The following HK1 variants were observed in gnomAD, a reference collection of about 807,000 sequenced individuals.
The protein encoded by HK1 is hexokinase-1.
HK1 carries 28 observed loss-of-function variants against 91.6 expected under a neutral mutation model. That is an observed-to-expected ratio of 0.31 (90% CI 0.23 to 0.42). The LOEUF (loss-of-function observed/expected upper bound fraction) is 0.42. Among genes scored for constraint, HK1 ranks in the 10% least tolerant of loss-of-function variants. HK1 has a pLI of 1.00. For missense variants in HK1, 770 were observed against 1,219.8 expected, an observed-to-expected ratio of 0.63 and a Z score of 5.49; for synonymous variants, 430 against 468.1, an observed-to-expected ratio of 0.92 and a Z score of 1.05.
chr10:69,281,406 G>T (rs1844740577), intron 1 of HK1, among the ~76,000 whole-genome samples: 1 of 152,174 alleles, frequency 6.6e-6, no homozygotes, highest in Admixed American at 6.5e-5. Context: ...AAGTACCAGG[G>T]TGTGCTGTCC....
At chr10:69,295,011 C>CAGAGAGAGAGAG (rs3086615) in intron 3 of HK1, among the ~76,000 whole-genome samples, 2 of 125,124 alleles carry the variant, frequency 1.6e-5, no homozygotes, top group Non-Finnish European at 3.3e-5. Flanking sequence ...GCCTGGGCAA[C>CAGAGAGAGAGAG]AGAGAGAGAG....
At chr10:69,387,874 A>AT (rs5785913) in intron 13 of HK1, among the ~76,000 whole-genome samples, 68,368 of 145,598 alleles carry the variant, frequency 0.47, 16,157 homozygotes, top group East Asian at 0.62. Context: ...ACTGTTTTAA[A>AT]TTTTTTTTTT....
At chr10:69,289,731 C>T (rs566084871) in intron 3 of HK1, among the ~76,000 whole-genome samples, 14 of 151,664 alleles carry the variant, frequency 9.2e-5, no homozygotes, top group African/African-American at 3.4e-4. Flanking sequence ...CTCAGCCTCC[C>T]GAAGTGCTGG....
chr10:69,283,474 T>TAA (rs1564751272), intron 2 of HK1, among the ~76,000 whole-genome samples: 2 of 143,378 alleles, frequency 1.4e-5, no homozygotes, highest in African/African-American at 5.2e-5. Context: ...AATAATAATA[T>TAA]AAATAAAAAT....
At chr10:69,314,470 C>G (rs1194094258), upstream of HK1, among the ~76,000 whole-genome samples, 2 of 152,164 alleles carry the variant, frequency 1.3e-5, no homozygotes, top group Non-Finnish European at 2.9e-5. Flanking sequence ...ACAGGCTGTG[C>G]ATGACAGTCC....
intron 5 of HK1, chr10:69,300,972 C>G (rs1235004933): frequency 1.6e-6 from 1 of 635,104 alleles, no homozygotes; most frequent in Admixed American, 2.2e-5. Flanking sequence ...TAGCCAGGCA[C>G]GGTGGCTCAC....
At chr10:69,338,624 G>A in intron 1 of HK1, 1 of 1,288,718 alleles carries the variant, frequency 7.8e-7, no homozygotes, top group Non-Finnish European at 1.0e-6. Context: ...GAGCAGTAAA[G>A]CAGCGGTGAT....
At chr10:69,338,086 C>T (rs374366936) in intron 1 of HK1, 35 of 221,498 alleles carry the variant, frequency 1.6e-4, no homozygotes, top group East Asian at 6.6e-4. Flanking sequence ...GTGTTCTCTG[C>T]TGATGACATG....
At chr10:69,389,134 C>CA in intron 13 of HK1, 63 bp from the exon 14 acceptor site, 1 of 1,266,348 alleles carries the variant, frequency 7.9e-7, no homozygotes, top group Non-Finnish European at 1.1e-6. Context: ...CAGACAGAAC[C>CA]GGCAGCATTC....
At chr10:69,381,644 C>G (rs1300715041) in intron 9 of HK1, among the ~76,000 whole-genome samples, 1 of 151,366 alleles carries the variant, frequency 6.6e-6, no homozygotes, top group African/African-American at 2.4e-5. Flanking sequence ...ACCTCTGCCT[C>G]CCAGGTTCCA....
At chr10:69,301,685 C>T (rs772712372) in intron 5 of HK1, among the ~76,000 whole-genome samples, 1 of 150,528 alleles carries the variant, frequency 6.6e-6, no homozygotes, top group Non-Finnish European at 1.5e-5. Flanking sequence ...ACTCTGAAAA[C>T]TACAAAGGAT....
In HK1 at chr10:69,336,542, G is replaced by C. The variant is rs1847998706; in HGVS notation, c.64-7285G>C. Among the ~76,000 whole-genome samples, 4 of 149,128 alleles carry C rather than the reference G, an allele frequency of 2.7e-5. No homozygotes were observed. The South Asian group carries it at 8.6e-4, about 32-fold the overall frequency. On this transcript the variant is annotated intron_variant, in intron 1 of 17. Coordinates refer to ENST00000359426, the MANE Select transcript of HK1 (RefSeq NM_000188.3). ...TGAAACAGTGTAAATGTTTCAAGTA[G>C]TTTTGTTAGAATCTTTCATTTGCCA...
At chr10:69,386,022 G>A (rs1337126716) in intron 12 of HK1, among the ~76,000 whole-genome samples, 1 of 152,218 alleles carries the variant, frequency 6.6e-6, no homozygotes, top group Non-Finnish European at 1.5e-5. Context: ...TTGGAATCGG[G>A]TGATCTGGGC....
chr10:69,274,118 G>A (rs1000485404), intron 1 of HK1, among the ~76,000 whole-genome samples: 20 of 152,008 alleles, frequency 1.3e-4, no homozygotes, highest in African/African-American at 4.1e-4. Flanking sequence ...CTTTGATCCA[G>A]TCTGATATTG....
At chr10:69,296,550 G>C (rs1324697116) in intron 4 of HK1, among the ~76,000 whole-genome samples, 1 of 152,186 alleles carries the variant, frequency 6.6e-6, no homozygotes, top group Non-Finnish European at 1.5e-5. Context: ...TTACAACATA[G>C]GTGAAACGTG....
At position 69,298,435 on chromosome 10, in the gene HK1, G is replaced by C. The variant is rs116311619; in HGVS notation, c.-66-2334G>C. On this transcript the variant is annotated intron_variant, in intron 4 of 21. Coordinates refer to the HK1 transcript ENST00000360289. ...GAGGCCAGGGTCTTGAGAACATCCT[G>C]GGCAACATAGCAAGACCTCATCTCT... Among the ~76,000 whole-genome samples, 229 of 151,600 alleles carry C rather than the reference G, an allele frequency of 1.5e-3. 8 individuals carry two copies. Among genetic ancestry groups the C allele is most frequent in the African/African-American group, 5.4e-3 (221 of 41,048 alleles).
chr10:69,370,009 G>A (rs1849917691), intron 7 of HK1, among the ~76,000 whole-genome samples: 1 of 152,152 alleles, frequency 6.6e-6, no homozygotes, highest in African/African-American at 2.4e-5. Flanking sequence ...AAATGCTGGG[G>A]TTACAGGCAT....
At chr10:69,295,543 G>C in intron 3 of HK1, 1 of 872,960 alleles carries the variant, frequency 1.1e-6, no homozygotes, top group African/African-American at 1.6e-5. Context: ...TTTTCTGAGC[G>C]TGATTGATTA....
intron 1 of HK1, among the ~76,000 whole-genome samples, chr10:69,343,219 ATGGACACC>A (rs1848379374): frequency 6.6e-6 from 1 of 152,170 alleles, no homozygotes; most frequent in Admixed American, 6.5e-5. Flanking sequence ...AGTCTTGCCC[ATGGACACC>A]TGCCAGTACT....
Sources: allele counts gnomAD v4.1 joint callset (sites outside exome capture counted in the v4.1 genomes callset), GRCh38; gene constraint gnomAD v4.1.1; transcripts MANE v1.5; gene names NCBI Gene and HGNC (gene_info 2026-07-23, HGNC 2026-07-21).